CCDC158: variants seen among roughly 807,000 people sequenced by gnomAD.
CCDC158 encodes the protein coiled-coil domain containing 158.
Under a neutral mutation model 138.6 loss-of-function variants are expected in CCDC158, and 116 were observed. That is an observed-to-expected ratio of 0.84 (90% CI 0.72 to 0.98). CCDC158 has a LOEUF of 0.98. CCDC158 is among the 50% of genes least tolerant of loss of function. The pLI is 0.00. For missense variants in CCDC158, 1,265 were observed against 1,306.1 expected (o/e 0.97, Z 0.48); for synonymous variants, 436 against 442.4 (o/e 0.99, Z 0.18).
chr4:76,418,788 A>G (rs552039850), intron 1 of CCDC158, among the ~76,000 whole-genome samples: 1 of 152,324 alleles, frequency 6.6e-6, no homozygotes, highest in Non-Finnish European at 1.5e-5. Context: ...CTACAATCCA[A>G]GATGAGATTT....
intron 1 of CCDC158, among the ~76,000 whole-genome samples, chr4:76,413,474 C>CAAAA (rs560813465): frequency 1.8e-5 from 1 of 56,304 alleles, no homozygotes; most frequent in African/African-American, 5.7e-5. Flanking sequence ...GACCTTGTCT[C>CAAAA]AAAAAAAAAA....
intron 4 of CCDC158, among the ~76,000 whole-genome samples, chr4:76,389,699 C>T (rs1727136182): frequency 6.6e-6 from 1 of 152,080 alleles, no homozygotes; most frequent in South Asian, 2.1e-4. Flanking sequence ...GATAAAGGAT[C>T]CTGAAAGCAG....
chr4:76,379,518 A>G, intron 8 of CCDC158, 114 bp from the exon 9 acceptor site: 1 of 501,170 alleles, frequency 2.0e-6, no homozygotes, highest in Non-Finnish European at 3.4e-6. Context: ...GGCATTATTA[A>G]GCCAATAGTC....
intron 12 of CCDC158, 124 bp from the exon 13 acceptor site, chr4:76,362,439 G>C (rs1429281717): frequency 1.7e-6 from 1 of 575,784 alleles, no homozygotes; most frequent in East Asian, 2.9e-5. Context: ...ATCCTTTTCT[G>C]CCTCCTATCT....
chr4:76,402,395 T>G (rs889032565), intron 3 of CCDC158, among the ~76,000 whole-genome samples: 1 of 152,148 alleles, frequency 6.6e-6, no homozygotes, highest in African/African-American at 2.4e-5. Context: ...GAGGATCTGG[T>G]AGTTGGTGGT....
At chr4:76,403,682 A>G (rs1053107152) in intron 2 of CCDC158, among the ~76,000 whole-genome samples, 1 of 152,214 alleles carries the variant, frequency 6.6e-6, no homozygotes, top group Non-Finnish European at 1.5e-5. Flanking sequence ...AGCTAAGAGG[A>G]GAATTCTAAA....
intron 24 of CCDC158, among the ~76,000 whole-genome samples, chr4:76,321,578 GGT>G (rs1720003880): frequency 6.9e-6 from 1 of 145,598 alleles, no homozygotes. Flanking sequence ...ACTATTACAT[GGT>G]GTGTATATAT....
chr4:76,329,064 T>C (rs1234211870), intron 21 of CCDC158, 97 bp from the exon 22 acceptor site: 5 of 942,242 alleles, frequency 5.3e-6, no homozygotes, highest in Non-Finnish European at 3.4e-6. Context: ...AATGTGATGG[T>C]TTAAAATATA....
rs546430453 is a variant in CCDC158 at position 76,332,715 on chromosome 4, G to C, written c.2823-224C>G. Among the ~76,000 whole-genome samples, 330 of 152,278 alleles carry C rather than the reference G, an allele frequency of 2.2e-3. 2 individuals carry two copies. Among genetic ancestry groups the C allele is most frequent in the Admixed American group, 4.2e-3 (64 of 15,298 alleles). ...CTTTACGCTGAGTTTAGGCTTTAGTGACAAGGACATTTATAGGATTATAGC... is the reference window on the plus strand; with the variant it reads ...CTTTACGCTGAGTTTAGGCTTTAGTCACAAGGACATTTATAGGATTATAGC... On this transcript the variant is annotated intron_variant, in intron 19 of 24. Transcript: ENST00000682701.
intron 4 of CCDC158, among the ~76,000 whole-genome samples, chr4:76,391,622 C>T (rs189506048): frequency 1.3e-5 from 2 of 150,958 alleles, no homozygotes; most frequent in Admixed American, 1.3e-4. Flanking sequence ...TTTTAAAGAA[C>T]TAGAAAAGCA....
At chr4:76,345,352 T>G (rs995313927) in intron 18 of CCDC158, 21 of 1,112,318 alleles carry the variant, frequency 1.9e-5, no homozygotes, top group Non-Finnish European at 2.9e-5. Flanking sequence ...AACAAAGCTC[T>G]GGATAAGGCC....
In CCDC158 at chr4:76,350,052, T is replaced by G. The variant is rs1340571150; in HGVS notation, c.2664+944A>C. Among the ~76,000 whole-genome samples the G allele has an allele frequency of 3.3e-5, 5 of 152,204 alleles. No homozygotes were observed. In the East Asian group the frequency reaches 9.6e-4, roughly 29 times the overall value. ...TGGAAAGGGGAGGCTAATTTAATTT[T>G]TATCAATGGAACATGTACATATTTT... On this transcript the variant is annotated intron_variant, in intron 18 of 24. Transcript: ENST00000682701.
At chr4:76,347,863 C>T (rs1017749714) in intron 18 of CCDC158, among the ~76,000 whole-genome samples, 14 of 152,040 alleles carry the variant, frequency 9.2e-5, no homozygotes, top group African/African-American at 2.7e-4. Flanking sequence ...GACACAGGCT[C>T]GGAGGGGATT....
At chr4:76,375,835 G>C (rs1384734382) in intron 9 of CCDC158, 1 of 473,202 alleles carries the variant, frequency 2.1e-6, no homozygotes, top group Non-Finnish European at 3.7e-6. Context: ...GTGTTAATCT[G>C]AAGAGAAATA....
intron 18 of CCDC158, among the ~76,000 whole-genome samples, chr4:76,347,871 A>C (rs983084111): frequency 1.3e-5 from 2 of 152,022 alleles, no homozygotes; most frequent in Non-Finnish European, 2.9e-5. Context: ...CTCGGAGGGG[A>C]TTCAAATCAT....
intron 23 of CCDC158, among the ~76,000 whole-genome samples, chr4:76,324,874 G>C (rs777025390): frequency 4.6e-5 from 7 of 152,302 alleles, no homozygotes; most frequent in Non-Finnish European, 1.0e-4. Flanking sequence ...TGCGGGGATA[G>C]TGGTACAAGG....
chr4:76,337,979 A>G (rs1052149562), intron 18 of CCDC158, among the ~76,000 whole-genome samples: 1 of 152,078 alleles, frequency 6.6e-6, no homozygotes, highest in Non-Finnish European at 1.5e-5. Flanking sequence ...GTGATGGGAG[A>G]GTGAGTGAAG....
Position 76,325,855 on chromosome 4 carries a change from A to C in CCDC158, c.3169+2T>G, listed in dbSNP as rs1162111606. The C allele has an allele frequency of 1.9e-6, 3 of 1,604,920 alleles. No individual in the cohort carries two copies. The Admixed American group carries it at 5.2e-5, about 28-fold the overall frequency. On this transcript the variant is annotated splice_donor_variant, in intron 23 of 24. Transcript: ENST00000682701. LOFTEE classifies it high-confidence loss of function. ...ACGTCAATGATATCAGATCTTTCTT[A>C]CCTTTAACAGAATCAGATGAATGAA... is the stretch of plus-strand genomic sequence containing the variant.
chr4:76,331,207 C>A lies in CCDC158; in HGVS notation c.2942+137G>T, dbSNP rs532287424. On this transcript the variant is annotated intron_variant, in intron 21 of 24. Transcript: ENST00000682701. ...GATTGTAAGCAACTTGAGGACAGAG[C>A]CCATATCTGTCTTGCTCACTATATT... is the stretch of plus-strand genomic sequence containing the variant. 1.9e-5 allele frequency: 13 copies of A among 695,736 alleles called. No individual in the cohort carries two copies. The African/African-American group carries it at 1.9e-4, about 10-fold the overall frequency. The allele number at this position is 695,736 out of a possible 1,614,324, so 43.1% of individuals were successfully genotyped here. A position where few individuals can be genotyped will look rare whatever the true frequency, so the allele number is the denominator to read the frequency against.
Sources: allele counts gnomAD v4.1 joint callset (sites outside exome capture counted in the v4.1 genomes callset), GRCh38; gene constraint gnomAD v4.1.1; transcripts MANE v1.5; gene names NCBI Gene and HGNC (gene_info 2026-07-23, HGNC 2026-07-21).